The following LINGO1 variants were observed in gnomAD, a reference collection of about 807,000 sequenced individuals.
LINGO1 encodes leucine rich repeat and Ig domain containing 1, also known as leucine-rich repeat and immunoglobulin-like domain-containing nogo receptor-interacting protein 1.
In LINGO1, 11 loss-of-function variants were observed where a neutral mutation model predicts 37.3. The observed-to-expected ratio is 0.29, with a 90% CI of 0.19 to 0.49. LINGO1 has a LOEUF of 0.49. LINGO1 is among the 20% of genes least tolerant of loss of function. The probability of loss-of-function intolerance (pLI) is 0.99; values close to 1 mark genes in which losing one functional copy is unlikely to be tolerated. For missense variants in LINGO1, 585 were observed against 878.2 expected (o/e 0.67, Z 4.22); for synonymous variants, 387 against 403.0 (o/e 0.96, Z 0.48).
intron 3 of LINGO1, among the ~76,000 whole-genome samples, chr15:77,654,782 C>T (rs900759119): frequency 4.6e-5 from 7 of 152,246 alleles, no homozygotes; most frequent in Middle Eastern, 3.4e-3. Context: ...CTTTTCATCC[C>T]GTGTTACATG....
chr15:77,814,000 C>T (rs1328986929), intron 1 of LINGO1, among the ~76,000 whole-genome samples: 1 of 125,760 alleles, frequency 8.0e-6, no homozygotes, highest in Non-Finnish European at 1.6e-5. Context: ...CCCTAGGAAG[C>T]CCCCCCAATC....
At chr15:77,640,463 G>A (rs2074480249) in intron 3 of LINGO1, among the ~76,000 whole-genome samples, 2 of 152,174 alleles carry the variant, frequency 1.3e-5, no homozygotes, top group Non-Finnish European at 2.9e-5. Context: ...CATACTAGGT[G>A]CTTTTACAAA....
intron 1 of LINGO1, among the ~76,000 whole-genome samples, chr15:77,813,475 A>C (rs1471343098): frequency 6.6e-6 from 1 of 152,078 alleles, no homozygotes; most frequent in Non-Finnish European, 1.5e-5. Flanking sequence ...GAGTGCTGGG[A>C]GGGTGTTGGG....
At chr15:77,763,331 G>A (rs1394805134) in intron 1 of LINGO1, among the ~76,000 whole-genome samples, 1 of 152,112 alleles carries the variant, frequency 6.6e-6, no homozygotes, top group East Asian at 1.9e-4. Flanking sequence ...GGAGGGACAG[G>A]GATATAAGTG....
At chr15:77,690,526 T>C (rs971244194) in intron 2 of LINGO1, among the ~76,000 whole-genome samples, 1 of 152,224 alleles carries the variant, frequency 6.6e-6, no homozygotes. Flanking sequence ...TACCACTAAA[T>C]ACTTTAGTTA....
chr15:77,664,440 AC>A (rs2141182497), intron 3 of LINGO1, among the ~76,000 whole-genome samples: 1 of 151,590 alleles, frequency 6.6e-6, no homozygotes, highest in East Asian at 2.0e-4. Flanking sequence ...CCAAGCCCTG[AC>A]CCCATCCTCT....
At chr15:77,636,108 T>C (rs765194346), upstream of LINGO1, among the ~76,000 whole-genome samples, 17 of 152,212 alleles carry the variant, frequency 1.1e-4, no homozygotes, top group Non-Finnish European at 1.9e-4. Context: ...GGAGGGCTGG[T>C]GACTTGCTCA....
intron 1 of LINGO1, among the ~76,000 whole-genome samples, chr15:77,776,430 C>A (rs1304943167): frequency 2.9e-5 from 1 of 34,122 alleles, no homozygotes; most frequent in Non-Finnish European, 6.8e-5. Context: ...GGGGGCAGGT[C>A]ACCTGTCCCG....
intron 1 of LINGO1, among the ~76,000 whole-genome samples, chr15:77,816,587 C>G (rs572942389): frequency 4.2e-4 from 64 of 152,300 alleles, no homozygotes; most frequent in Admixed American, 3.3e-3. Context: ...GGGGGTCACA[C>G]TGGGCACTGC....
intron 1 of LINGO1, among the ~76,000 whole-genome samples, chr15:77,627,054 C>A (rs1345654601): frequency 6.7e-6 from 1 of 149,884 alleles, no homozygotes; most frequent in Non-Finnish European, 1.5e-5. Context: ...AGGTTCTCTG[C>A]AGAGGGAAGT....
intron 1 of LINGO1, among the ~76,000 whole-genome samples, chr15:77,813,413 T>C (rs1490727915): frequency 6.6e-6 from 1 of 151,924 alleles, no homozygotes; most frequent in African/African-American, 2.4e-5. Context: ...GGGTGGGACA[T>C]AGGCTTGGGC....
At chr15:77,779,038 C>T (rs565409010) in intron 1 of LINGO1, among the ~76,000 whole-genome samples, 8 of 152,152 alleles carry the variant, frequency 5.3e-5, no homozygotes, top group Admixed American at 4.6e-4. Flanking sequence ...GCCAGGCACA[C>T]GCCCACCTGG....
chr15:77,664,158 T>TGCGCGC (rs1440093557), intron 3 of LINGO1, among the ~76,000 whole-genome samples: 5 of 120,658 alleles, frequency 4.1e-5, no homozygotes, highest in Admixed American at 1.5e-4. Context: ...TGTGTGTGTG[T>TGCGCGC]GTGTGTGTGT....
At chr15:77,800,671 T>C (rs1337959779) in intron 1 of LINGO1, among the ~76,000 whole-genome samples, 2 of 152,202 alleles carry the variant, frequency 1.3e-5, no homozygotes, top group Admixed American at 6.5e-5. Context: ...TGCCAGACAT[T>C]AAATCCAGAA....
At chr15:77,774,665 GTT>G (rs1472364648) in intron 1 of LINGO1, among the ~76,000 whole-genome samples, 1 of 152,148 alleles carries the variant, frequency 6.6e-6, no homozygotes, top group Non-Finnish European at 1.5e-5. Context: ...AGCCCATCCA[GTT>G]TGGGGCCCAG....
rs142029413 is a variant in LINGO1 at position 77,673,931 on chromosome 15, T to C, written c.-13+3158A>G. Among the ~76,000 whole-genome samples, 998 of 151,200 alleles carry C rather than the reference T, an allele frequency of 6.6e-3. 9 individuals carry two copies. Among genetic ancestry groups the C allele is most frequent in the African/African-American group, 0.023 (945 of 40,846 alleles). The stretch of plus-strand genomic sequence containing the variant: ...AACGCTCTATTGTCACCTCCCACTT[T>C]GAAATTCTTAATTTTTTTTTAGCAA... On this transcript the variant is annotated intron_variant, in intron 3 of 3. Transcript: ENST00000559893.
At chr15:77,748,133 C>T (rs2076333346) in intron 1 of LINGO1, among the ~76,000 whole-genome samples, 1 of 152,268 alleles carries the variant, frequency 6.6e-6, no homozygotes, top group Non-Finnish European at 1.5e-5. Context: ...ACTCTGGCCA[C>T]ACCAACAGCC....
At chr15:77,802,281 GTA>G (rs200176199) in intron 1 of LINGO1, among the ~76,000 whole-genome samples, 3,233 of 152,140 alleles carry the variant, frequency 0.021, 114 homozygotes, top group African/African-American at 0.072. Context: ...CAGTGTGTGT[GTA>G]TGTGTGTTGT....
chr15:77,690,046 G>A (rs67818419), intron 2 of LINGO1, among the ~76,000 whole-genome samples: 13,240 of 152,220 alleles, frequency 0.087, 624 homozygotes, highest in Middle Eastern at 0.13. Context: ...TACACAGCAC[G>A]TCCACATCCA....
Sources: gnomAD v4.1 joint callset for allele counts (sites outside exome capture counted in the v4.1 genomes callset) on GRCh38, gnomAD v4.1.1 for gene constraint, MANE v1.5 for transcripts, NCBI Gene and HGNC (gene_info 2026-07-23, HGNC 2026-07-21) for gene names.